DNAJA3: variants seen among roughly 807,000 people sequenced by gnomAD.
DNAJA3 encodes the protein dnaJ homolog subfamily A member 3, mitochondrial.
In DNAJA3, 29 loss-of-function variants were observed where a neutral mutation model predicts 54.9. That is an observed-to-expected ratio of 0.53 (90% confidence interval 0.39 to 0.72). The LOEUF (loss-of-function observed/expected upper bound fraction) is 0.72, where lower values mean the gene tolerates loss of function less well. Among genes scored for constraint, DNAJA3 ranks in the 30% least tolerant of loss-of-function variants. The pLI is 0.00. For missense variants in DNAJA3, 708 were observed against 639.4 expected (o/e 1.11, Z -1.16); for synonymous variants, 302 against 251.4 (o/e 1.20, Z -1.90).
chr16:4,442,924 T>C, intron 5 of DNAJA3, 93 bp from the exon 6 acceptor site: 1 of 1,459,904 alleles, frequency 6.8e-7, no homozygotes, highest in Middle Eastern at 1.8e-4. Flanking sequence ...AAACAAGCCT[T>C]AAAGAGACAT....
intron 11 of DNAJA3, among the ~76,000 whole-genome samples, 165 bp downstream of exon 11, chr16:4,455,092 A>G (rs2057020163): frequency 6.6e-6 from 1 of 152,136 alleles, no homozygotes; most frequent in Non-Finnish European, 1.5e-5. Flanking sequence ...CTCTCAGCCT[A>G]GGGAATAGAT....
chr16:4,443,954 G>A (rs936415137), intron 6 of DNAJA3, among the ~76,000 whole-genome samples: 1 of 152,162 alleles, frequency 6.6e-6, no homozygotes, highest in African/African-American at 2.4e-5. Context: ...CCAAAGTGCT[G>A]AGATTATAGT....
intron 1 of DNAJA3, among the ~76,000 whole-genome samples, chr16:4,432,452 C>T (rs1452878322): frequency 6.6e-6 from 1 of 151,354 alleles, no homozygotes; most frequent in East Asian, 2.0e-4. Flanking sequence ...AAGCGATTCT[C>T]TTGCTTCAGC....
intron 3 of DNAJA3, among the ~76,000 whole-genome samples, chr16:4,439,357 A>G (rs978895032): frequency 3.4e-5 from 5 of 145,726 alleles, no homozygotes; most frequent in Admixed American, 1.4e-4. Context: ...CTCCCAATCA[A>G]AAAAAAAAAA....
At chr16:4,451,074 G>GGT (rs2056972593) in intron 10 of DNAJA3, among the ~76,000 whole-genome samples, 1 of 152,172 alleles carries the variant, frequency 6.6e-6, no homozygotes, top group Admixed American at 6.5e-5. Context: ...GGCTGTGTTA[G>GGT]GGATCTGTCA....
In DNAJA3 at chr16:4,437,450, A is replaced by G; in HGVS notation, c.394A>G (p.Lys132Glu). 6.2e-7 allele frequency: 1 copy of G among 1,614,116 alleles called. No individual in the cohort carries two copies. The highest frequency in any genetic ancestry group is 8.5e-7 in the Non-Finnish European group (1 of 1,180,022). Residue 132 changes from lysine to glutamate, a missense_variant, in exon 3 of 12, where the codon AAG becomes GAG. Transcript: ENST00000262375. ...PDTNKDDPKA[K>E]EKFSQLAEAY... The stretch of plus-strand genomic sequence containing the variant: ...CACAAATAAGGATGATCCCAAAGCC[A>G]AGGAGAAGTTCTCCCAGCTGGCAGA...
At chr16:4,430,737 C>G (rs1567322645) in intron 1 of DNAJA3, 1 of 151,718 alleles carries the variant, frequency 6.6e-6, no homozygotes, top group Non-Finnish European at 1.5e-5. Flanking sequence ...CATTGATGCC[C>G]TATGGATAAT....
At chr16:4,432,110 C>T (rs919065947) in intron 1 of DNAJA3, among the ~76,000 whole-genome samples, 4 of 150,172 alleles carry the variant, frequency 2.7e-5, no homozygotes, top group African/African-American at 9.8e-5. Context: ...CTATTTCTGT[C>T]TCTCTCTCTT....
intron 1 of DNAJA3, among the ~76,000 whole-genome samples, chr16:4,432,543 T>C (rs2141371628): frequency 6.6e-6 from 1 of 151,974 alleles, no homozygotes; most frequent in East Asian, 2.0e-4. Flanking sequence ...GGTTTCTCCA[T>C]GTTGGTCAGG....
Position 4,441,551 on chromosome 16 carries a change from G to A in DNAJA3, c.606G>A (p.Gln202=). Residue 202 remains glutamine, a synonymous_variant, in exon 4 of 12, where the codon CAG becomes CAA. Coordinates refer to ENST00000262375, the MANE Select transcript of DNAJA3 (RefSeq NM_005147.6). ...EFSSSSFGDF[Q]TVFDQPQEYF... Reference sequence around the variant, plus strand: ...CATCCTCTTCATTTGGAGATTTCCAGACCGTGTTTGATCAGCCTCAGGAAG... The same window carrying A: ...CATCCTCTTCATTTGGAGATTTCCAAACCGTGTTTGATCAGCCTCAGGAAG... 6.2e-7 allele frequency: 1 copy of A among 1,614,150 alleles called. No homozygotes were observed. The highest frequency in any genetic ancestry group is 1.1e-5 in the South Asian group (1 of 91,092).
chr16:4,447,257 G>C (rs2056914049), intron 8 of DNAJA3: 1 of 500,886 alleles, frequency 2.0e-6, no homozygotes, highest in Non-Finnish European at 3.6e-6. Context: ...GGTTAGCGGG[G>C]CCTGGGAACT....
chr16:4,452,734 CTCTG>C (rs1343597323), intron 10 of DNAJA3, among the ~76,000 whole-genome samples: 2 of 152,178 alleles, frequency 1.3e-5, no homozygotes, highest in Non-Finnish European at 2.9e-5. Flanking sequence ...TATAGCGAGA[CTCTG>C]TCTCTACAAA....
At position 4,442,292 on chromosome 16, in the gene DNAJA3, C is replaced by G. The variant is rs745389703; in HGVS notation, c.655C>G (p.Gln219Glu). The G allele has an allele frequency of 2.5e-6, 4 of 1,597,734 alleles. No individual in the cohort carries two copies. The South Asian group carries it at 4.5e-5, about 18-fold the overall frequency. The change falls in exon 5 of 12, where the codon CAA (glutamine) becomes GAA (glutamate). Residue 219 changes from glutamine to glutamate, a missense_variant. Gln to Glu is a conservative substitution (Grantham distance 29). Transcript: ENST00000262375. ...QEYFMELTFN[Q>E]AAKGVNKEFT... ...GTACTTCATGGAGTTGACATTCAAT[C>G]AAGCTGCAAAGGGGGTCAACAAGGA...
At chr16:4,450,297 G>A in intron 9 of DNAJA3, 103 bp from the exon 10 acceptor site, 4 of 872,192 alleles carry the variant, frequency 4.6e-6, no homozygotes, top group Non-Finnish European at 7.1e-6. Flanking sequence ...TGCCAAGGTT[G>A]GGTCCCTCTC....
chr16:4,428,549 C>G (rs926549238), intron 1 of DNAJA3, among the ~76,000 whole-genome samples: 1 of 152,144 alleles, frequency 6.6e-6, no homozygotes, highest in South Asian at 2.1e-4. Flanking sequence ...TGGGAGCACT[C>G]GTTATTATTG....
chr16:4,448,498 C>T (rs894754181), intron 8 of DNAJA3, among the ~76,000 whole-genome samples: 1 of 151,738 alleles, frequency 6.6e-6, no homozygotes, highest in African/African-American at 2.4e-5. Flanking sequence ...TGCACGTTAC[C>T]ATGCCCTGCT....
chr16:4,426,645 G>A (rs17137019), intron 1 of DNAJA3, among the ~76,000 whole-genome samples: 5,805 of 152,336 alleles, frequency 0.038, 170 homozygotes, highest in Admixed American at 0.099. Context: ...GAAGGGCACA[G>A]TTAACAATCT....
chr16:4,428,194 A>G lies in DNAJA3; in HGVS notation c.211+2102A>G, dbSNP rs187288001. ...TCTCGATCTCCTGAACTTGTGATCC[A>G]CCCGCCTCAGCCTCCCAAAGTGCTG... On this transcript the variant is annotated intron_variant, in intron 1 of 11. Transcript: ENST00000262375. Among the ~76,000 whole-genome samples, 86 of 148,698 alleles carry G rather than the reference A, an allele frequency of 5.8e-4. 1 individual carries two copies. The highest frequency in any genetic ancestry group is 2.1e-3 in the African/African-American group (83 of 40,210).
At chr16:4,434,305 G>C in intron 1 of DNAJA3, 79 bp from the exon 2 acceptor site, 1 of 1,498,404 alleles carries the variant, frequency 6.7e-7, no homozygotes, top group Non-Finnish European at 9.1e-7. Context: ...CACAGATATA[G>C]CCTGGTGGGT....
Sources: gnomAD v4.1 joint callset for allele counts (sites outside exome capture counted in the v4.1 genomes callset) on GRCh38, gnomAD v4.1.1 for gene constraint, MANE v1.5 for transcripts, NCBI Gene and HGNC (gene_info 2026-07-23, HGNC 2026-07-21) for gene names.